The following TDRD1 variants were observed in gnomAD, a reference collection of about 807,000 sequenced individuals.
TDRD1 encodes the protein tudor domain containing 1, also known as tudor domain-containing protein 1.
A neutral mutation model predicts 140.6 loss-of-function variants in TDRD1; 37 were observed. That is an observed-to-expected ratio of 0.26 (90% CI 0.20 to 0.35). The LOEUF (loss-of-function observed/expected upper bound fraction) is 0.35, where lower values mean the gene tolerates loss of function less well. Among genes scored for constraint, TDRD1 ranks in the 10% least tolerant of loss-of-function variants. TDRD1 has a pLI of 1.00. For synonymous variants in TDRD1, 506 were observed against 475.7 expected (o/e 1.06, Z -0.83); for missense variants, 1,243 against 1,393.0 (o/e 0.89, Z 1.71).
intron 25 of TDRD1, chr10:114,228,495 A>G (rs1028213434): frequency 2.9e-5 from 29 of 1,016,724 alleles, no homozygotes; most frequent in Non-Finnish European, 3.3e-5. Flanking sequence ...GAGCTCACTT[A>G]TGCACATTGC....
chr10:114,226,254 GTA>G, intron 22 of TDRD1, 38 bp downstream of exon 22: 1 of 1,502,216 alleles, frequency 6.7e-7, no homozygotes, highest in Non-Finnish European at 9.0e-7. Context: ...AGGTTTCTGG[GTA>G]TTTTTTTTTT....
At chr10:114,202,661 G>GA (rs1295986625) in intron 6 of TDRD1, among the ~76,000 whole-genome samples, 1 of 152,110 alleles carries the variant, frequency 6.6e-6, no homozygotes, top group African/African-American at 2.4e-5. Flanking sequence ...TTTGTAATCC[G>GA]AAAAACATCC....
intron 1 of TDRD1, 28 bp from the exon 2 acceptor site, chr10:114,187,798 T>C: frequency 6.6e-7 from 1 of 1,505,522 alleles, no homozygotes; most frequent in Non-Finnish European, 8.9e-7. Context: ...AATTAAAAGT[T>C]GTCTCTTAAA....
intron 25 of TDRD1, chr10:114,228,268 A>G (rs530918604): frequency 4.9e-6 from 7 of 1,424,992 alleles, no homozygotes; most frequent in East Asian, 2.6e-5. Flanking sequence ...AGGTTTGGTC[A>G]TAATGCTTCT....
chr10:114,217,696 T>G, intron 17 of TDRD1, 41 bp downstream of exon 17: 1 of 1,087,862 alleles, frequency 9.2e-7, no homozygotes, highest in Non-Finnish European at 1.4e-6. Flanking sequence ...TAGAACCTTA[T>G]ATTTCTTAAC....
intron 25 of TDRD1, chr10:114,228,171 A>C: frequency 2.6e-6 from 4 of 1,523,290 alleles, no homozygotes; most frequent in Non-Finnish European, 3.5e-6. Flanking sequence ...TGTGATCACC[A>C]ATAGGACATC....
At chr10:114,219,682 G>T (rs1288738268) in intron 18 of TDRD1, among the ~76,000 whole-genome samples, 1 of 150,962 alleles carries the variant, frequency 6.6e-6, no homozygotes, top group Non-Finnish European at 1.5e-5. Flanking sequence ...CTGCCTCCCA[G>T]ATTCAAGCGA....
chr10:114,183,234 AAC>A (rs2033239511), intron 1 of TDRD1, among the ~76,000 whole-genome samples: 2 of 152,202 alleles, frequency 1.3e-5, no homozygotes. Context: ...TCTCGGGTGT[AAC>A]ACACAGCAGC....
chr10:114,199,487 C>G (rs747618584), intron 4 of TDRD1, among the ~76,000 whole-genome samples, 170 bp downstream of exon 4: 3 of 152,240 alleles, frequency 2.0e-5, no homozygotes, highest in Admixed American at 1.3e-4. Context: ...TCACCCATCC[C>G]TTCCCATTCT....
At chr10:114,192,833 T>C (rs1333087868) in intron 3 of TDRD1, among the ~76,000 whole-genome samples, 1 of 152,234 alleles carries the variant, frequency 6.6e-6, no homozygotes, top group African/African-American at 2.4e-5. Context: ...CCACACAGTC[T>C]TGATTCCTGG....
intron 25 of TDRD1, among the ~76,000 whole-genome samples, chr10:114,229,689 C>G (rs968962613): frequency 6.6e-6 from 1 of 150,594 alleles, no homozygotes; most frequent in African/African-American, 2.4e-5. Context: ...GCTGGGACTA[C>G]AGGCGCACAC....
At chr10:114,194,520 C>T (rs1030292186) in intron 3 of TDRD1, among the ~76,000 whole-genome samples, 1 of 152,002 alleles carries the variant, frequency 6.6e-6, no homozygotes, top group Non-Finnish European at 1.5e-5. Flanking sequence ...GTAATGTTCC[C>T]TATTTTATTC....
At position 114,201,521 on chromosome 10, in the gene TDRD1, G is replaced by A. The variant is rs1241285728; in HGVS notation, c.635+6G>A. 3.1e-6 allele frequency: 5 copies of A among 1,608,746 alleles called. No homozygotes were observed. Among genetic ancestry groups the A allele is most frequent in the African/African-American group, 1.3e-5 (1 of 74,746 alleles). On this transcript the variant is annotated splice_donor_region_variant and intron_variant, in intron 5 of 25. Coordinates refer to ENST00000251864, the Ensembl canonical transcript of TDRD1. ...TGCAGGCCTGTTCAGCCAAAGTAAG[G>A]ATTTATGATCTTTTTATTCATTAAG...
At chr10:114,183,700 CTTTTTTT>C (rs374468967) in intron 1 of TDRD1, among the ~76,000 whole-genome samples, 1 of 129,646 alleles carries the variant, frequency 7.7e-6, no homozygotes, top group Admixed American at 7.9e-5. Flanking sequence ...TCACAGTTAA[CTTTTTTT>C]TTTTTTTTTT....
At chr10:114,189,397 C>T (rs915702644) in intron 2 of TDRD1, among the ~76,000 whole-genome samples, 14 of 152,146 alleles carry the variant, frequency 9.2e-5, no homozygotes, top group African/African-American at 2.9e-4. Context: ...TTCAGACTTA[C>T]CTGGCAAGCA....
At chr10:114,218,637 A>C in intron 18 of TDRD1, 53 bp downstream of exon 18, 1 of 1,262,058 alleles carries the variant, frequency 7.9e-7, no homozygotes, top group Non-Finnish European at 1.1e-6. Context: ...GGGGCATATA[A>C]TCCAAGTGTT....
rs781117294 is a variant in TDRD1, at chr10:114,228,022, T to A, written c.3451-16T>A. The A allele has an allele frequency of 3.6e-5, 58 of 1,610,376 alleles. No homozygotes were observed. In the East Asian group the frequency reaches 1.2e-3, roughly 33 times the overall value. The stretch of plus-strand genomic sequence containing the variant: ...TTTTTAGAAATTAAATCATATGGTT[T>A]CTTTTTCACCCACAGGTTGAAAAAC... On this transcript the variant is annotated splice_polypyrimidine_tract_variant and intron_variant, in intron 24 of 25. Transcript: ENST00000251864.
intron 11 of TDRD1, 130 bp downstream of exon 11, chr10:114,206,460 A>G: frequency 3.2e-6 from 2 of 622,912 alleles, no homozygotes; most frequent in Non-Finnish European, 5.5e-6. Flanking sequence ...CAATTTAAAT[A>G]CGCTGTTTTA....
chr10:114,214,228 G>T, intron 16 of TDRD1, 114 bp downstream of exon 16: 1 of 848,438 alleles, frequency 1.2e-6, no homozygotes. Context: ...AGAGCCAAGT[G>T]GTATTTGTAT....
Sources: gnomAD v4.1 joint callset for allele counts (sites outside exome capture counted in the v4.1 genomes callset) on GRCh38, gnomAD v4.1.1 for gene constraint, MANE v1.5 for transcripts, NCBI Gene and HGNC (gene_info 2026-07-23, HGNC 2026-07-21) for gene names.